Variants in FNDC3B observed in about 807,000 individuals in gnomAD.
The protein encoded by FNDC3B is fibronectin type III domain containing 3B.
Under a neutral mutation model 151.5 loss-of-function variants are expected in FNDC3B, and 12 were observed. The observed-to-expected ratio is 0.08, with a 90% CI of 0.05 to 0.13. The LOEUF (loss-of-function observed/expected upper bound fraction) is 0.13. Ranked by LOEUF, FNDC3B falls within the 10% of genes least tolerant of loss-of-function variation. The probability of loss-of-function intolerance (pLI) is 1.00; values close to 1 mark genes in which losing one functional copy is unlikely to be tolerated. For missense variants in FNDC3B, 1,214 were observed against 1,505.3 expected (o/e 0.81, Z 3.20); for synonymous variants, 528 against 549.0 (o/e 0.96, Z 0.54).
intron 9 of FNDC3B, among the ~76,000 whole-genome samples, chr3:172,300,158 T>C (rs958433514): frequency 1.3e-5 from 2 of 152,224 alleles, no homozygotes; most frequent in African/African-American, 4.8e-5. Flanking sequence ...CAAGAAGATC[T>C]GTGTAATTTG....
chr3:172,146,979 AG>A (rs1721944138), intron 3 of FNDC3B, among the ~76,000 whole-genome samples: 2 of 152,156 alleles, frequency 1.3e-5, no homozygotes, highest in Non-Finnish European at 2.9e-5. Flanking sequence ...TGATTGGAAC[AG>A]GTATGATTAT....
In FNDC3B at chr3:172,228,425, T is replaced by G. The variant is rs551562127; in HGVS notation, c.264+1478T>G. ...TTATGCTAAAGGTCCATTTAAGAAA[T>G]ACCAGTTAAAAATTGAACATTTCTA... On this transcript the variant is annotated intron_variant, in intron 4 of 25. Transcript: ENST00000415807. Among the ~76,000 whole-genome samples, 4 of 152,316 alleles carry G rather than the reference T, an allele frequency of 2.6e-5. No homozygotes were observed. In the South Asian group the frequency reaches 8.3e-4, roughly 32 times the overall value.
chr3:172,065,177 T>C (rs984238881), intron 1 of FNDC3B, among the ~76,000 whole-genome samples: 3 of 152,108 alleles, frequency 2.0e-5, no homozygotes, highest in South Asian at 4.2e-4. Context: ...ACTAAAAATA[T>C]AAAAATTAGC....
intron 13 of FNDC3B, 72 bp downstream of exon 13, chr3:172,330,787 G>A: frequency 8.2e-7 from 1 of 1,212,336 alleles, no homozygotes; most frequent in Non-Finnish European, 1.2e-6. Flanking sequence ...AGGGCACCAT[G>A]AAATTAGATT....
intron 7 of FNDC3B, among the ~76,000 whole-genome samples, chr3:172,294,481 C>G (rs1200829671): frequency 6.6e-6 from 1 of 152,152 alleles, no homozygotes; most frequent in Non-Finnish European, 1.5e-5. Flanking sequence ...ACAACCAGAT[C>G]TTGTGAGAAC....
chr3:172,204,895 C>T (rs551776890), intron 3 of FNDC3B, among the ~76,000 whole-genome samples: 12 of 152,216 alleles, frequency 7.9e-5, no homozygotes, highest in Middle Eastern at 3.2e-3. Flanking sequence ...TCAGTGAGCA[C>T]ATGGCATGCA....
At chr3:172,320,780 T>C (rs1732043853) in intron 11 of FNDC3B, among the ~76,000 whole-genome samples, 1 of 152,184 alleles carries the variant, frequency 6.6e-6, no homozygotes. Context: ...GAGTTACATG[T>C]ATAGAATGAG....
chr3:172,110,160 T>A (rs1446641855), intron 1 of FNDC3B, among the ~76,000 whole-genome samples: 1 of 152,186 alleles, frequency 6.6e-6, no homozygotes, highest in Non-Finnish European at 1.5e-5. Flanking sequence ...TTAGATGTGT[T>A]GTTGGTGTTC....
intron 3 of FNDC3B, among the ~76,000 whole-genome samples, chr3:172,166,979 T>C (rs1723033052): frequency 6.6e-6 from 1 of 152,212 alleles, no homozygotes; most frequent in Non-Finnish European, 1.5e-5. Flanking sequence ...AAATGTTCTT[T>C]ATGCCGTTTA....
chr3:172,068,817 G>A (rs1289433507), intron 1 of FNDC3B, among the ~76,000 whole-genome samples: 2 of 152,234 alleles, frequency 1.3e-5, no homozygotes, highest in African/African-American at 2.4e-5. Context: ...GCCAGACACT[G>A]TTCTAAATGC....
chr3:172,257,345 G>C (rs1457010481), intron 6 of FNDC3B, among the ~76,000 whole-genome samples: 3 of 152,126 alleles, frequency 2.0e-5, no homozygotes, highest in Non-Finnish European at 4.4e-5. Flanking sequence ...AAACAGAATG[G>C]AATTGTAAGA....
intron 19 of FNDC3B, 139 bp from the exon 20 acceptor site, chr3:172,346,188 G>A: frequency 2.2e-6 from 1 of 449,254 alleles, no homozygotes; most frequent in Non-Finnish European, 4.0e-6. Context: ...GAAAATCATT[G>A]GGTAATATTT....
At chr3:172,084,553 C>T (rs1718454610) in intron 1 of FNDC3B, among the ~76,000 whole-genome samples, 1 of 151,806 alleles carries the variant, frequency 6.6e-6, no homozygotes, top group Admixed American at 6.6e-5. Flanking sequence ...GCTTCTACCA[C>T]TAAAATAGTG....
At chr3:172,113,219 G>A (rs80132520) in intron 2 of FNDC3B, among the ~76,000 whole-genome samples, 6,849 of 152,110 alleles carry the variant, frequency 0.045, 479 homozygotes, top group African/African-American at 0.15. Context: ...AATTTTTATT[G>A]CAACAGTTGG....
intron 3 of FNDC3B, among the ~76,000 whole-genome samples, chr3:172,208,192 G>C (rs958661416): frequency 6.6e-6 from 1 of 152,092 alleles, no homozygotes; most frequent in African/African-American, 2.4e-5. Flanking sequence ...TGAACACCTG[G>C]GAAAGAAAAA....
At chr3:172,193,696 G>A (rs1724677798) in intron 3 of FNDC3B, among the ~76,000 whole-genome samples, 1 of 151,812 alleles carries the variant, frequency 6.6e-6, no homozygotes, top group Non-Finnish European at 1.5e-5. Context: ...TCCTCCTTGT[G>A]CTTGTACTCC....
rs1324497278 is a variant in FNDC3B at position 172,329,048 on chromosome 3, C to G, written c.1351C>G (p.Leu451Val). The G allele has an allele frequency of 1.2e-6, 2 of 1,613,512 alleles. No individual in the cohort carries two copies. The highest frequency in any genetic ancestry group is 2.2e-5 in the South Asian group (2 of 90,984). The change falls in exon 12 of 26, where the codon CTG (leucine) becomes GTG (valine). Residue 451 changes from leucine to valine, a missense_variant. Leu to Val is a conservative substitution (Grantham distance 32). This residue lies in a region of FNDC3B where 156 missense variants were observed against 225.3 expected (regional missense o/e 0.69). Coordinates refer to ENST00000415807, the MANE Select transcript of FNDC3B (RefSeq NM_022763.4). The stretch of plus-strand genomic sequence containing the variant: ...TCCGGCAATGGGGTACACATTCAGG[C>G]TGGCCGCTCGAAACGACATTGGTAC... ...LCPAMGYTFR[L>V]AARNDIGTSG...
At chr3:172,385,253 C>G (rs1442609736) in intron 25 of FNDC3B, among the ~76,000 whole-genome samples, 1 of 152,114 alleles carries the variant, frequency 6.6e-6, no homozygotes, top group African/African-American at 2.4e-5. Context: ...AGAGGCAAAG[C>G]AAAAGAAAAT....
At chr3:172,087,052 C>T (rs1265220315) in intron 1 of FNDC3B, among the ~76,000 whole-genome samples, 1 of 152,180 alleles carries the variant, frequency 6.6e-6, no homozygotes, top group African/African-American at 2.4e-5. Flanking sequence ...TCTTCCAAGC[C>T]ACTCCCGGAG....
Sources: allele counts gnomAD v4.1 joint callset (sites outside exome capture counted in the v4.1 genomes callset), GRCh38; gene constraint gnomAD v4.1.1; regional missense constraint gnomAD v4.1.1; transcripts MANE v1.5; gene names NCBI Gene and HGNC (gene_info 2026-07-23, HGNC 2026-07-21).